WDR36: variants seen among roughly 807,000 people sequenced by gnomAD.
WDR36 encodes WD repeat-containing protein 36.
Under a neutral mutation model 112.7 loss-of-function variants are expected in WDR36, and 63 were observed. That is an observed-to-expected ratio of 0.56 (90% CI 0.46 to 0.69). The LOEUF (loss-of-function observed/expected upper bound fraction) is 0.69. WDR36 is among the 30% of genes least tolerant of loss of function. The probability of loss-of-function intolerance (pLI) is 0.00; values close to 1 mark genes in which losing one functional copy is unlikely to be tolerated. For synonymous variants in WDR36, 410 were observed against 362.2 expected, an observed-to-expected ratio of 1.13 and a Z score of -1.50; for missense variants, 1,226 against 1,070.3, an observed-to-expected ratio of 1.15 and a Z score of -2.03.
chr5:111,120,845 A>C, intron 18 of WDR36, 151 bp from the exon 19 acceptor site: 1 of 793,840 alleles, frequency 1.3e-6, no homozygotes, highest in South Asian at 1.8e-5. Context: ...TGAGAAAATA[A>C]GGAAAAGACA....
rs186777933 is a variant in WDR36, at chr5:111,110,410, A to T, written c.1441+107A>T. ...GTGCTGGGCATTTTGCTAAAGTTGA[A>T]GATGGGTTATAATCAACCCTATATG... On this transcript the variant is annotated intron_variant, in intron 13 of 22. Transcript: ENST00000513710. 145 of 921,138 alleles carry T rather than the reference A, an allele frequency of 1.6e-4. No individual in the cohort carries two copies. The African/African-American group carries it at 2.2e-3, about 14-fold the overall frequency. The allele number at this position is 921,138 out of a possible 1,614,324, so 57.1% of individuals were successfully genotyped here.
chr5:111,121,831 C>T (rs60687634), intron 19 of WDR36, among the ~76,000 whole-genome samples: 2,650 of 152,162 alleles, frequency 0.017, 22 homozygotes, highest in Middle Eastern at 0.061. Flanking sequence ...TGAAAAATTT[C>T]AGGTTACCTT....
At chr5:111,105,028 T>C (rs1365081731) in intron 9 of WDR36, among the ~76,000 whole-genome samples, 1 of 151,626 alleles carries the variant, frequency 6.6e-6, no homozygotes, top group East Asian at 1.9e-4. Context: ...TTACTAATCC[T>C]CAGAGACAGA....
At chr5:111,104,149 T>G in intron 7 of WDR36, 28 bp from the exon 8 acceptor site, 1 of 1,589,902 alleles carries the variant, frequency 6.3e-7, no homozygotes, top group Non-Finnish European at 8.6e-7. Context: ...AGAAGTATTT[T>G]TCTTAATGTA....
At chr5:111,107,204 C>A in intron 11 of WDR36, 90 bp from the exon 12 acceptor site, 1 of 1,432,742 alleles carries the variant, frequency 7.0e-7, no homozygotes, top group Non-Finnish European at 9.6e-7. Context: ...CCATTGTATC[C>A]CTAGTGTCTG....
intron 9 of WDR36, 102 bp downstream of exon 9, chr5:111,104,919 CTT>C (rs1163794779): frequency 6.5e-7 from 1 of 1,548,560 alleles, no homozygotes; most frequent in African/African-American, 1.4e-5. Context: ...TCACATATCT[CTT>C]TGAGTGACTT....
intron 19 of WDR36, 109 bp from the exon 20 acceptor site, chr5:111,123,696 C>T: frequency 1.5e-6 from 2 of 1,371,914 alleles, no homozygotes; most frequent in Middle Eastern, 1.9e-4. Flanking sequence ...GAAAGAGTTT[C>T]ATTCCTCTTT....
Position 111,128,519 on chromosome 5 carries a change from C to G in WDR36, c.*1636C>G, listed in dbSNP as rs550282174. On this transcript the variant is annotated 3_prime_UTR_variant, in exon 23 of 23. Transcript: ENST00000513710. ...TACTATATTCTAAATTGGAATATGGCAAAATCCCAATATATAATTCTATAC... is the reference window on the plus strand; with the variant it reads ...TACTATATTCTAAATTGGAATATGGGAAAATCCCAATATATAATTCTATAC... 2.6e-4 allele frequency: 47 copies of G among 179,072 alleles called. No homozygotes were observed. Among genetic ancestry groups the G allele is most frequent in the Middle Eastern group, 2.2e-3 (1 of 450 alleles). 11.1% of individuals were successfully genotyped at this position (179,072 alleles called of 1,614,324 possible).
chr5:111,118,688 A>C (rs547246391), intron 16 of WDR36, among the ~76,000 whole-genome samples: 1 of 152,166 alleles, frequency 6.6e-6, no homozygotes, highest in Non-Finnish European at 1.5e-5. Context: ...TATCTTTAGA[A>C]TTGTCTCCAA....
At chr5:111,104,146 T>A in intron 7 of WDR36, 31 bp from the exon 8 acceptor site, 1 of 1,584,902 alleles carries the variant, frequency 6.3e-7, no homozygotes, top group Non-Finnish European at 8.6e-7. Flanking sequence ...TCTAGAAGTA[T>A]TTTTCTTAAT....
chr5:111,116,517 G>A (rs547781750), intron 16 of WDR36, among the ~76,000 whole-genome samples: 3 of 152,242 alleles, frequency 2.0e-5, no homozygotes, highest in African/African-American at 2.4e-5. Flanking sequence ...ACAACCTTCT[G>A]AATTGTTATG....
intron 6 of WDR36, among the ~76,000 whole-genome samples, chr5:111,103,203 C>G (rs952960526): frequency 6.6e-6 from 1 of 151,682 alleles, no homozygotes; most frequent in African/African-American, 2.4e-5. Flanking sequence ...GGACATTGAT[C>G]TTTGCTAAAA....
rs775343582 is a variant in WDR36, at chr5:111,123,958, G to A, written c.2268+34G>A. On this transcript the variant is annotated intron_variant, in intron 20 of 22. Coordinates refer to ENST00000513710, the MANE Select transcript of WDR36 (RefSeq NM_139281.3). Reference sequence around the variant, plus strand: ...CAAATTAGAAGATTCTAAGTATATCGGTGTATGTTTGTATGTGTTTTCTGC... The same window carrying A: ...CAAATTAGAAGATTCTAAGTATATCAGTGTATGTTTGTATGTGTTTTCTGC... 16 of 1,612,250 alleles carry A rather than the reference G, an allele frequency of 9.9e-6. No individual in the cohort carries two copies. In the Admixed American group the frequency reaches 1.0e-4, roughly 10 times the overall value.
chr5:111,121,813 C>G (rs1417732879), intron 19 of WDR36, among the ~76,000 whole-genome samples: 1 of 152,040 alleles, frequency 6.6e-6, no homozygotes, highest in African/African-American at 2.4e-5. Context: ...GAAAGGAATA[C>G]AATACAGTGA....
Position 111,102,335 on chromosome 5 carries a change from CT to C in WDR36, c.543-8del. The C allele has an allele frequency of 6.3e-7, 1 of 1,580,610 alleles. No individual in the cohort carries two copies. Among genetic ancestry groups the C allele is most frequent in the East Asian group, 2.3e-5 (1 of 44,304 alleles). On this transcript the variant is annotated splice_polypyrimidine_tract_variant and intron_variant, in intron 5 of 22. Coordinates refer to ENST00000513710, the MANE Select transcript of WDR36 (RefSeq NM_139281.3). ...AAAAATACAGCTTTCAACTATTTTT[CT>C]TCTTGTAGTAAACTTCTATATACAT... is the stretch of plus-strand genomic sequence containing the variant.
chr5:111,104,173 A>G lies in WDR36; in HGVS notation c.731-4A>G. On this transcript the variant is annotated splice_polypyrimidine_tract_variant and splice_region_variant and intron_variant, in intron 7 of 22. Coordinates refer to ENST00000513710, the MANE Select transcript of WDR36 (RefSeq NM_139281.3). ...TTTCTTAATGTATTTTATTTTAATA[A>G]CAGATGGTCATCCAGTAATGGCAGC... 6.2e-7 allele frequency: 1 copy of G among 1,609,836 alleles called. No homozygotes were observed. The highest frequency in any genetic ancestry group is 8.5e-7 in the Non-Finnish European group (1 of 1,177,090).
chr5:111,119,491 G>A (rs1753522489), intron 17 of WDR36, among the ~76,000 whole-genome samples: 1 of 152,060 alleles, frequency 6.6e-6, no homozygotes, highest in South Asian at 2.1e-4. Context: ...CTTCAGCCTA[G>A]TTTGTATATA....
intron 2 of WDR36, 192 bp from the exon 3 acceptor site, chr5:111,096,887 T>C (rs1752997766): frequency 2.1e-6 from 1 of 485,720 alleles, no homozygotes; most frequent in Non-Finnish European, 3.6e-6. Flanking sequence ...GGTGATTTCC[T>C]ATCCTTAGTT....
rs770455424 is a variant in WDR36 at position 111,104,276 on chromosome 5, C to G, written c.830C>G (p.Ser277Cys). 1.9e-6 allele frequency: 3 copies of G among 1,612,204 alleles called. No individual in the cohort carries two copies. The highest frequency in any genetic ancestry group is 2.2e-5 in the East Asian group (1 of 44,844). The change falls in exon 8 of 23, where the codon TCT becomes TGT. Residue 277 changes from serine (S) to cysteine (C), a missense_variant. Transcript: ENST00000513710. ...KLINQMRNAH[S>C]TAIAGLTFLH... is the part of the protein sequence containing the mutation. ...ATCAACCAAATGAGAAATGCACACT[C>G]TACAGCAATTGCCGGACTGACATTT...
Sources: gnomAD v4.1 joint callset for allele counts (sites outside exome capture counted in the v4.1 genomes callset) on GRCh38, gnomAD v4.1.1 for gene constraint, MANE v1.5 for transcripts, NCBI Gene and HGNC (gene_info 2026-07-23, HGNC 2026-07-21) for gene names.